STX8: variants seen among roughly 807,000 people sequenced by gnomAD.
STX8 encodes syntaxin-8.
STX8 carries 23 observed loss-of-function variants against 37.5 expected under a neutral mutation model. The ratio of observed to expected loss-of-function variants is 0.61; its 90% confidence interval spans 0.44 to 0.87. The LOEUF is 0.87. Ranked by LOEUF, STX8 falls within the 40% of genes least tolerant of loss-of-function variation. The pLI is 0.00. For missense variants in STX8, 313 were observed against 284.7 expected (o/e 1.10, Z -0.71); for synonymous variants, 115 against 99.1 (o/e 1.16, Z -0.95).
chr17:9,559,107 T>C (rs1907105696), intron 2 of STX8, among the ~76,000 whole-genome samples: 1 of 152,122 alleles, frequency 6.6e-6, no homozygotes, highest in African/African-American at 2.4e-5. Flanking sequence ...GAAAGCACCA[T>C]GGTTCTATCT....
At chr17:9,382,151 AAAAG>A (rs1385625528) in intron 6 of STX8, among the ~76,000 whole-genome samples, 1 of 148,594 alleles carries the variant, frequency 6.7e-6, no homozygotes, top group Non-Finnish European at 1.5e-5. Flanking sequence ...AATAACTTAA[AAAAG>A]AAACCAAGAA....
chr17:9,533,774 T>C (rs936120021), intron 4 of STX8, among the ~76,000 whole-genome samples: 1 of 152,022 alleles, frequency 6.6e-6, no homozygotes, highest in Non-Finnish European at 1.5e-5. Flanking sequence ...GCTTAGGGAG[T>C]TGCAGAGAAG....
intron 7 of STX8, among the ~76,000 whole-genome samples, chr17:9,354,234 T>C (rs887099055): frequency 5.9e-5 from 9 of 152,206 alleles, no homozygotes; most frequent in Non-Finnish European, 1.3e-4. Flanking sequence ...ATCATGGCTA[T>C]GTTTGTATTT....
chr17:9,431,554 G>T (rs1173594360), intron 6 of STX8, among the ~76,000 whole-genome samples: 1 of 150,330 alleles, frequency 6.7e-6, no homozygotes, highest in Non-Finnish European at 1.5e-5. Context: ...CTCGGCCTCT[G>T]AAAGTGCTGG....
chr17:9,553,862 T>A (rs564775123), intron 3 of STX8: 3 of 152,202 alleles, frequency 2.0e-5, no homozygotes, highest in African/African-American at 7.2e-5. Flanking sequence ...ACAATTCACG[T>A]TGGGGCCACA....
chr17:9,367,406 G>A (rs1004689823), intron 7 of STX8, among the ~76,000 whole-genome samples: 26 of 152,182 alleles, frequency 1.7e-4, no homozygotes, highest in African/African-American at 6.3e-4. Flanking sequence ...AAGGACAGCT[G>A]CTCTGTCCTC....
chr17:9,431,189 G>C (rs868546256), intron 6 of STX8, among the ~76,000 whole-genome samples: 2 of 150,520 alleles, frequency 1.3e-5, no homozygotes, highest in South Asian at 4.2e-4. Context: ...ATGAGTTGCT[G>C]AGCATCTCAT....
At chr17:9,434,204 C>T (rs1018949915) in intron 6 of STX8, among the ~76,000 whole-genome samples, 1 of 152,118 alleles carries the variant, frequency 6.6e-6, no homozygotes, top group African/African-American at 2.4e-5. Flanking sequence ...AGGGTTTCAC[C>T]ATATTAGCCA....
intron 7 of STX8, among the ~76,000 whole-genome samples, chr17:9,259,772 A>G (rs192011088): frequency 9.2e-5 from 14 of 152,294 alleles, no homozygotes; most frequent in Non-Finnish European, 1.9e-4. Flanking sequence ...CAGGAGGAGG[A>G]GAAGGTTAAA....
At chr17:9,574,065 G>C (rs1232525461) in intron 1 of STX8, among the ~76,000 whole-genome samples, 1 of 152,082 alleles carries the variant, frequency 6.6e-6, no homozygotes, top group African/African-American at 2.4e-5. Context: ...GAGCTCAGGA[G>C]TTCAAGATCA....
intron 2 of STX8, among the ~76,000 whole-genome samples, chr17:9,562,613 AATAT>A (rs796718340): frequency 1.8e-4 from 9 of 51,198 alleles, no homozygotes; most frequent in African/African-American, 3.4e-4. Context: ...AAAAAAAAAA[AATAT>A]ATATATATAT....
At chr17:9,310,386 T>C (rs1909151174) in intron 7 of STX8, among the ~76,000 whole-genome samples, 1 of 152,188 alleles carries the variant, frequency 6.6e-6, no homozygotes, top group South Asian at 2.1e-4. Flanking sequence ...AGCTGAGCCT[T>C]TTTGATAGAA....
rs189053446 is a variant in STX8 at position 9,387,286 on chromosome 17, G to A, written c.542-8633C>T. Among the ~76,000 whole-genome samples the A allele has an allele frequency of 1.3e-3, 204 of 152,054 alleles. 3 individuals are homozygous for A. Among genetic ancestry groups the A allele is most frequent in the East Asian group, 5.8e-4 (3 of 5,136 alleles). On this transcript the variant is annotated intron_variant, in intron 6 of 7. Coordinates refer to ENST00000306357, the MANE Select transcript of STX8 (RefSeq NM_004853.3). Reference sequence around the variant, plus strand: ...GCTGAGTTTATATATAGTAGCATATGTAAAAGTGGGCTTTTTTTTCTTTTT... The same window carrying A: ...GCTGAGTTTATATATAGTAGCATATATAAAAGTGGGCTTTTTTTTCTTTTT...
chr17:9,545,194 C>A lies in STX8; in HGVS notation c.301G>T (p.Gly101Cys). Residue 101 changes from glycine to cysteine, a missense_variant, in exon 4 of 8, where the codon GGT becomes TGT. Transcript: ENST00000306357. Reference sequence around the variant, plus strand: ...TACCTGATTAGATCTGGTTCGGCACCCTCATTCTTAAAGGATGCCAGAAGT... The same window carrying A: ...TACCTGATTAGATCTGGTTCGGCACACTCATTCTTAAAGGATGCCAGAAGT... Reference protein sequence around the residue: ...RLLLASFKNEGAEPDLIRSSL... With the variant: ...RLLLASFKNECAEPDLIRSSL... 6.2e-7 allele frequency: 1 copy of A among 1,613,908 alleles called. No individual in the cohort carries two copies. Among genetic ancestry groups the A allele is most frequent in the East Asian group, 2.2e-5 (1 of 44,884 alleles).
intron 7 of STX8, among the ~76,000 whole-genome samples, chr17:9,324,809 A>ACAG (rs1384411461): frequency 9.9e-5 from 15 of 151,134 alleles, no homozygotes; most frequent in Non-Finnish European, 1.8e-4. Flanking sequence ...GGTCAGCATC[A>ACAG]CAGCTCCACT....
At chr17:9,551,962 AAAAG>A (rs1468005479) in intron 3 of STX8, among the ~76,000 whole-genome samples, 1 of 152,178 alleles carries the variant, frequency 6.6e-6, no homozygotes, top group Non-Finnish European at 1.5e-5. Flanking sequence ...AAGAAAAAAA[AAAAG>A]AAACAAAACT....
At chr17:9,360,189 T>A (rs562629440) in intron 7 of STX8, among the ~76,000 whole-genome samples, 1 of 151,900 alleles carries the variant, frequency 6.6e-6, no homozygotes, top group South Asian at 2.1e-4. Flanking sequence ...AAAAACTTTC[T>A]ATTGTGGGCA....
At chr17:9,456,982 T>C (rs1321789856) in intron 6 of STX8, among the ~76,000 whole-genome samples, 1 of 152,148 alleles carries the variant, frequency 6.6e-6, no homozygotes, top group African/African-American at 2.4e-5. Context: ...TGCATCTTGC[T>C]TAGGACAGCT....
At chr17:9,498,704 T>C (rs1009282266) in intron 5 of STX8, among the ~76,000 whole-genome samples, 6 of 152,150 alleles carry the variant, frequency 3.9e-5, no homozygotes, top group African/African-American at 1.4e-4. Flanking sequence ...CGCAGAAATC[T>C]AGAACGATTG....
Sources: allele counts gnomAD v4.1 joint callset (sites outside exome capture counted in the v4.1 genomes callset), GRCh38; gene constraint gnomAD v4.1.1; transcripts MANE v1.5; gene names NCBI Gene and HGNC (gene_info 2026-07-23, HGNC 2026-07-21).